The following PCDHA3 variants were observed in gnomAD, a reference collection of about 807,000 sequenced individuals.
The protein encoded by PCDHA3 is protocadherin alpha 3, also known as protocadherin alpha-3.
In PCDHA3, 41 loss-of-function variants were observed where a neutral mutation model predicts 62.2. That is an observed-to-expected ratio of 0.66 (90% CI 0.51 to 0.86). The LOEUF (loss-of-function observed/expected upper bound fraction) is 0.86. Among genes scored for constraint, PCDHA3 ranks in the 40% least tolerant of loss-of-function variants. The probability of loss-of-function intolerance (pLI) is 0.00; values close to 1 mark genes in which losing one functional copy is unlikely to be tolerated. For synonymous variants in PCDHA3, 640 were observed against 555.4 expected (o/e 1.15, Z -2.14); for missense variants, 1,304 against 1,241.2 (o/e 1.05, Z -0.76).
intron 1 of PCDHA3, among the ~76,000 whole-genome samples, chr5:140,899,167 T>C (rs1314014582): frequency 3.3e-5 from 5 of 152,124 alleles, no homozygotes; most frequent in Admixed American, 6.5e-5. Context: ...CTTTTCCTAA[T>C]TGAATACCCT....
chr5:140,858,158 G>T lies in PCDHA3; in HGVS notation c.2394+54567G>T, dbSNP rs781899082. The T allele has an allele frequency of 5.6e-6, 9 of 1,597,732 alleles. 3 individuals carry two copies. Among genetic ancestry groups the T allele is most frequent in the Non-Finnish European group, 7.7e-6 (9 of 1,167,532 alleles). ...CGTGTACCTGATCATCGCCATCTGC[G>T]CGGTGTCCAGCTTGCTGGTGCTCAC... On this transcript the variant is annotated intron_variant, in intron 1 of 3. Coordinates refer to ENST00000522353, the MANE Select transcript of PCDHA3 (RefSeq NM_018906.3).
chr5:140,882,336 C>T, intron 1 of PCDHA3: 1 of 1,614,162 alleles, frequency 6.2e-7, no homozygotes, highest in Non-Finnish European at 8.5e-7. Flanking sequence ...ATCCTCGCAG[C>T]CTGGGAGACG....
In PCDHA3 at chr5:140,853,170, C is replaced by T. The variant is rs1034307381; in HGVS notation, c.2394+49579C>T. 1.5e-5 allele frequency: 14 copies of T among 964,092 alleles called. 1 individual carries two copies. The highest frequency in any genetic ancestry group is 4.8e-5 in the South Asian group (1 of 20,842). The allele number at this position is 964,092 out of a possible 1,614,324, so 59.7% of individuals were successfully genotyped here. A position where few individuals can be genotyped will look rare whatever the true frequency, so the allele number is the denominator to read the frequency against. ...CTGGGATTACAGGCGTGAGCCACCGCGCCTGGCCTAAAATGTGTTCTTTAT... is the reference window on the plus strand; with the variant it reads ...CTGGGATTACAGGCGTGAGCCACCGTGCCTGGCCTAAAATGTGTTCTTTAT... On this transcript the variant is annotated intron_variant, in intron 1 of 3. Transcript: ENST00000522353.
Position 140,968,897 on chromosome 5 carries a change from G to A in PCDHA3, c.2395-10052G>A, listed in dbSNP as rs1554231210. On this transcript the variant is annotated intron_variant, in intron 1 of 3. Transcript: ENST00000522353. The stretch of plus-strand genomic sequence containing the variant: ...TGAAATTACCCTTTATCTAATAATA[G>A]CATTAAGCACAGTGTCTTTTATATT... The A allele has an allele frequency of 3.7e-6, 6 of 1,614,034 alleles. No homozygotes were observed. In the African/African-American group the frequency reaches 4.0e-5, roughly 11 times the overall value.
intron 1 of PCDHA3, chr5:140,850,726 C>T (rs781908002): frequency 6.3e-7 from 1 of 1,597,804 alleles, no homozygotes; most frequent in Non-Finnish European, 8.6e-7. Flanking sequence ...TGTTCTAGCG[C>T]GGTGGGGAGT....
chr5:140,840,555 T>C (rs1418325429), intron 1 of PCDHA3, among the ~76,000 whole-genome samples: 1 of 152,084 alleles, frequency 6.6e-6, no homozygotes, highest in African/African-American at 2.4e-5. Flanking sequence ...ATGGCAATAC[T>C]GCTAGAGTTT....
chr5:140,898,506 G>A (rs1185053384), intron 1 of PCDHA3, among the ~76,000 whole-genome samples: 2 of 152,132 alleles, frequency 1.3e-5, no homozygotes, highest in Admixed American at 1.3e-4. Context: ...TTGTAGATAT[G>A]CGGCGTTATT....
At chr5:140,982,353 C>G (rs2096979519) in intron 2 of PCDHA3, 122 bp from the exon 3 acceptor site, 1 of 1,509,284 alleles carries the variant, frequency 6.6e-7, no homozygotes, top group East Asian at 2.4e-5. Flanking sequence ...TCAGTTCAAG[C>G]ATGAGCAGAA....
Position 140,843,391 on chromosome 5 carries a change from A to G in PCDHA3, c.2394+39800A>G, listed in dbSNP as rs1554140017. On this transcript the variant is annotated intron_variant, in intron 1 of 3. Transcript: ENST00000522353. ...AGTCGGCTGGCGTTTTGGGTCCGGA[A>G]GCGGCGCTGGTGGATGTCAACGTGT... 7.5e-6 allele frequency: 12 copies of G among 1,596,022 alleles called. 1 individual carries two copies. The highest frequency in any genetic ancestry group is 8.6e-6 in the Non-Finnish European group (10 of 1,165,574).
chr5:140,856,428 A>T, intron 1 of PCDHA3: 1 of 1,598,400 alleles, frequency 6.3e-7, no homozygotes, highest in South Asian at 1.1e-5. Flanking sequence ...GACATTAACG[A>T]CAACCCGCCC....
At chr5:140,822,996 G>A in intron 1 of PCDHA3, 1 of 1,614,238 alleles carries the variant, frequency 6.2e-7, no homozygotes, top group Non-Finnish European at 8.5e-7. Context: ...ACTCGTTGGT[G>A]CTGGACAGCG....
At position 140,885,065 on chromosome 5, in the gene PCDHA3, T is replaced by TA. The variant is rs1440762512; in HGVS notation, c.2394+81475dup. ...TTAATGTATACATATACCCACAAGATATTATTTTAAAGAGCCCCATAACTT... is the reference window on the plus strand; with the variant it reads ...TTAATGTATACATATACCCACAAGATAATTATTTTAAAGAGCCCCATAACTT... On this transcript the variant is annotated intron_variant, in intron 1 of 3. Coordinates refer to ENST00000522353, the MANE Select transcript of PCDHA3 (RefSeq NM_018906.3). Among the ~76,000 whole-genome samples the TA allele has an allele frequency of 7.2e-5, 11 of 152,294 alleles. 1 individual carries two copies. Among genetic ancestry groups the TA allele is most frequent in the African/African-American group, 2.6e-4 (11 of 41,580 alleles).
At chr5:140,968,041 C>T (rs1554230247) in intron 1 of PCDHA3, 1 of 1,614,140 alleles carries the variant, frequency 6.2e-7, no homozygotes, top group Non-Finnish European at 8.5e-7. Context: ...TGGTGAGCGG[C>T]CCACTGGACC....
intron 1 of PCDHA3, chr5:140,804,095 C>T (rs1268728896): frequency 6.4e-6 from 1 of 156,994 alleles, no homozygotes; most frequent in East Asian, 1.9e-4. Flanking sequence ...GATCATTACA[C>T]CTGTTGTCTT....
chr5:141,010,432 C>CA lies in PCDHA3; in HGVS notation c.*498dup. ...AATTGGTACAAGGAAGGCAAGAAAA[C>CA]AAAGACAAATAAACAGCGGAAGTTA... On this transcript the variant is annotated 3_prime_UTR_variant, in exon 4 of 4. Transcript: ENST00000522353. 2.8e-6 allele frequency: 3 copies of CA among 1,056,970 alleles called. No homozygotes were observed. The highest frequency in any genetic ancestry group is 4.0e-6 in the Non-Finnish European group (3 of 756,282). The allele number at this position is 1,056,970 out of a possible 1,614,324, so 65.5% of individuals were successfully genotyped here.
intron 1 of PCDHA3, chr5:140,807,581 G>C (rs138189439): frequency 2.1e-5 from 34 of 1,614,060 alleles, no homozygotes; most frequent in Non-Finnish European, 2.5e-6. Flanking sequence ...TAACCCGCCG[G>C]TGTTCCCAGC....
chr5:140,853,934 C>T (rs2042914376), intron 1 of PCDHA3: 1 of 864,500 alleles, frequency 1.2e-6, no homozygotes, highest in South Asian at 5.2e-5. Context: ...TTTGGGAGGC[C>T]AAGGTGGGAG....
At chr5:140,819,626 A>G in intron 1 of PCDHA3, among the ~76,000 whole-genome samples, 1 of 152,114 alleles carries the variant, frequency 6.6e-6, no homozygotes, top group East Asian at 1.9e-4. Context: ...TTCAGATTGG[A>G]TAATCTATAG....
intron 1 of PCDHA3, among the ~76,000 whole-genome samples, chr5:140,919,300 C>A (rs547709389): frequency 6.6e-6 from 1 of 152,248 alleles, no homozygotes; most frequent in African/African-American, 2.4e-5. Flanking sequence ...GCTGTTTGTA[C>A]AATATATGTT....
Sources: gnomAD v4.1 joint callset for allele counts (sites outside exome capture counted in the v4.1 genomes callset) on GRCh38, gnomAD v4.1.1 for gene constraint, MANE v1.5 for transcripts, NCBI Gene and HGNC (gene_info 2026-07-23, HGNC 2026-07-21) for gene names.